The following FKBP9 variants were observed in gnomAD, a reference collection of about 807,000 sequenced individuals.
The protein encoded by FKBP9 is FKBP prolyl isomerase 9.
FKBP9 carries 27 observed loss-of-function variants against 55.6 expected under a neutral mutation model. That is an observed-to-expected ratio of 0.49 (90% CI 0.36 to 0.67). FKBP9 has a LOEUF of 0.67. Ranked by LOEUF, FKBP9 falls within the 30% of genes least tolerant of loss-of-function variation. The probability of loss-of-function intolerance (pLI) is 0.00; values close to 1 mark genes in which losing one functional copy is unlikely to be tolerated. For missense variants in FKBP9, 539 were observed against 742.8 expected (o/e 0.73, Z 3.19); for synonymous variants, 267 against 296.5 (o/e 0.90, Z 1.02).
chr7:32,970,442 C>T lies in FKBP9; in HGVS notation c.222-4175C>T, dbSNP rs555070557. Among the ~76,000 whole-genome samples, 891 of 151,990 alleles carry T rather than the reference C, an allele frequency of 5.9e-3. 4 individuals carry two copies. Among genetic ancestry groups the T allele is most frequent in the Non-Finnish European group, 9.7e-3 (662 of 67,968 alleles). On this transcript the variant is annotated intron_variant, in intron 1 of 9. Coordinates refer to ENST00000242209, the MANE Select transcript of FKBP9 (RefSeq NM_007270.5). ...AACTCCTGACTTCAGGTGATCCGCC[C>T]GCCTTGGCCTCCCAAAGTGCAGGGA...
rs2127990410 is a variant in FKBP9, at chr7:33,006,748, A to T, written c.*1397A>T. 4.7e-6 allele frequency: 1 copy of T among 210,570 alleles called. No individual in the cohort carries two copies. The highest frequency in any genetic ancestry group is 9.6e-6 in the Non-Finnish European group (1 of 103,700). The allele number at this position is 210,570 out of a possible 1,614,324, so 13.0% of individuals were successfully genotyped here. On this transcript the variant is annotated 3_prime_UTR_variant, in exon 10 of 10. Coordinates refer to ENST00000242209, the MANE Select transcript of FKBP9 (RefSeq NM_007270.5). Reference sequence around the variant, plus strand: ...GGCTACCTTCTATCCTCTGTTCCCAAATGGTGGTGGCACTTATCCTGAAGT... The same window carrying T: ...GGCTACCTTCTATCCTCTGTTCCCATATGGTGGTGGCACTTATCCTGAAGT...
chr7:32,982,680 C>T (rs892292594), intron 5 of FKBP9, among the ~76,000 whole-genome samples: 2 of 152,028 alleles, frequency 1.3e-5, no homozygotes, highest in Non-Finnish European at 2.9e-5. Flanking sequence ...AATTATATTT[C>T]CAATTGAAAG....
At chr7:32,974,168 T>C (rs1041506061) in intron 1 of FKBP9, among the ~76,000 whole-genome samples, 1 of 145,324 alleles carries the variant, frequency 6.9e-6, no homozygotes, top group Non-Finnish European at 1.5e-5. Context: ...CACACCTGGC[T>C]AATTATATGT....
chr7:32,977,786 CAT>C (rs55788075), intron 4 of FKBP9, among the ~76,000 whole-genome samples: 126,154 of 139,402 alleles, frequency 0.9, 57,282 homozygotes, highest in Non-Finnish European at 0.93. Context: ...TTTCTATCTC[CAT>C]ATATATATAT....
chr7:32,993,396 C>T (rs146776620), intron 6 of FKBP9, among the ~76,000 whole-genome samples: 157 of 152,314 alleles, frequency 1.0e-3, no homozygotes, highest in African/African-American at 3.6e-3. Context: ...CTGACAACCA[C>T]CTTTCTTTCT....
chr7:32,988,667 C>T lies in FKBP9; in HGVS notation c.1039+15C>T. ...GGAAGGAAGAGGTGAGCATCAGCAT[C>T]ACCTGCCTTCCTCACTAGCTGTGGC... is the stretch of plus-strand genomic sequence containing the variant. On this transcript the variant is annotated intron_variant, in intron 6 of 9. Coordinates refer to ENST00000242209, the MANE Select transcript of FKBP9 (RefSeq NM_007270.5). 6.2e-7 allele frequency: 1 copy of T among 1,613,270 alleles called. No homozygotes were observed. The highest frequency in any genetic ancestry group is 8.5e-7 in the Non-Finnish European group (1 of 1,179,324).
chr7:32,965,812 AATATATAT>A (rs57598279), intron 1 of FKBP9, among the ~76,000 whole-genome samples: 2 of 34,942 alleles, frequency 5.7e-5, no homozygotes, highest in African/African-American at 2.4e-4. Context: ...AAAAAAAAAA[AATATATAT>A]ATATATATAT....
Position 32,975,296 on chromosome 7 carries a change from G to A in FKBP9, c.482G>A (p.Arg161Gln), listed in dbSNP as rs1191527035. 2 of 1,613,920 alleles carry A rather than the reference G, an allele frequency of 1.2e-6. No individual in the cohort carries two copies. The highest frequency in any genetic ancestry group is 2.2e-5 in the South Asian group (2 of 91,076). Residue 161 changes from arginine to glutamine, a missense_variant, in exon 3 of 10, where the codon CGG becomes CAG. Arg to Gln is a conservative substitution (Grantham distance 43). Coordinates refer to ENST00000242209, the MANE Select transcript of FKBP9 (RefSeq NM_007270.5). ...HTYFKPPSCP[R>Q]TIQVSDFVRY... ...TATTTCAAGCCCCCGAGTTGCCCTC[G>A]GACCATCCAGGTGTCTGATTTTGTG... is the stretch of plus-strand genomic sequence containing the variant.
intron 4 of FKBP9, among the ~76,000 whole-genome samples, chr7:32,976,750 T>C (rs1039151498): frequency 6.6e-6 from 1 of 152,212 alleles, no homozygotes; most frequent in African/African-American, 2.4e-5. Context: ...ACAGTGCAGA[T>C]ACAGACCCAG....
chr7:32,987,893 G>A (rs1487026070), intron 5 of FKBP9, among the ~76,000 whole-genome samples: 2 of 152,132 alleles, frequency 1.3e-5, no homozygotes, highest in Non-Finnish European at 2.9e-5. Flanking sequence ...GTTATAGAGT[G>A]TACAGGCTGG....
intron 1 of FKBP9, among the ~76,000 whole-genome samples, chr7:32,971,162 A>G (rs968537769): frequency 6.6e-6 from 1 of 152,088 alleles, no homozygotes; most frequent in Admixed American, 6.6e-5. Context: ...CAGAGTGTGC[A>G]GAAGTAATTT....
chr7:32,957,688 G>A lies in FKBP9; in HGVS notation c.115G>A (p.Glu39Lys). Residue 39 changes from glutamate (E) to lysine (K), a missense_variant, in exon 1 of 10, where the codon GAG becomes AAG. Glu to Lys is a moderately conservative substitution (Grantham distance 56). Transcript: ENST00000242209. ...GGGCTCCGACGCGGAGCTGCAGATC[G>A]AGCGGCGCTTCGTGCCCGACGAGTG... ...GLGSDAELQI[E>K]RRFVPDECPR... 1.3e-6 allele frequency: 2 copies of A among 1,532,356 alleles called. No individual in the cohort carries two copies. Among genetic ancestry groups the A allele is most frequent in the East Asian group, 2.7e-5 (1 of 37,440 alleles). The allele number at this position is 1,532,356 out of a possible 1,614,324, so 94.9% of individuals were successfully genotyped here.
intron 9 of FKBP9, among the ~76,000 whole-genome samples, chr7:33,003,476 C>T: frequency 6.6e-6 from 1 of 152,168 alleles, no homozygotes; most frequent in Admixed American, 6.5e-5. Context: ...CCTTCCTTTA[C>T]AGCAAAAACT....
intron 5 of FKBP9, among the ~76,000 whole-genome samples, chr7:32,985,915 C>A (rs1784565506): frequency 6.6e-6 from 1 of 152,110 alleles, no homozygotes; most frequent in Non-Finnish European, 1.5e-5. Flanking sequence ...ATCGCTTGAA[C>A]CCAGGAGACA....
intron 1 of FKBP9, among the ~76,000 whole-genome samples, chr7:32,968,087 C>T (rs965028591): frequency 1.8e-4 from 27 of 152,132 alleles, no homozygotes; most frequent in Admixed American, 5.9e-4. Context: ...TGCCCAGGGT[C>T]GAGTGCAGTG....
intron 4 of FKBP9, among the ~76,000 whole-genome samples, 164 bp from the exon 5 acceptor site, chr7:32,980,200 C>T (rs1784447941): frequency 6.6e-6 from 1 of 151,052 alleles, no homozygotes; most frequent in South Asian, 2.1e-4. Flanking sequence ...ACCATCAGCC[C>T]ATGGTTGGAC....
chr7:32,997,400 A>AT (rs201908916), intron 7 of FKBP9, among the ~76,000 whole-genome samples: 4,678 of 151,312 alleles, frequency 0.031, 111 homozygotes, highest in South Asian at 0.08. Context: ...TTTTTTAGAG[A>AT]TGGGGGGGGT....
At chr7:32,965,932 C>T (rs1193946517) in intron 1 of FKBP9, among the ~76,000 whole-genome samples, 1 of 143,994 alleles carries the variant, frequency 6.9e-6, no homozygotes, top group Admixed American at 7.1e-5. Flanking sequence ...GTGGCTCATG[C>T]TTCTAATCCG....
At chr7:32,969,146 C>T (rs1332577580) in intron 1 of FKBP9, among the ~76,000 whole-genome samples, 10 of 151,912 alleles carry the variant, frequency 6.6e-5, no homozygotes, top group Non-Finnish European at 4.4e-5. Flanking sequence ...ATATTAATCC[C>T]TTATCATATA....
Sources: allele counts gnomAD v4.1 joint callset (sites outside exome capture counted in the v4.1 genomes callset), GRCh38; gene constraint gnomAD v4.1.1; transcripts MANE v1.5; gene names NCBI Gene and HGNC (gene_info 2026-07-23, HGNC 2026-07-21).